The following SUPT3H variants were observed in gnomAD, a reference collection of about 807,000 sequenced individuals.
SUPT3H encodes SPT3 homolog, SAGA and STAGA complex component, also known as transcription initiation protein SPT3 homolog.
SUPT3H carries 44 observed loss-of-function variants against 44.3 expected under a neutral mutation model. The ratio of observed to expected loss-of-function variants is 0.99; its 90% CI spans 0.78 to 1.28. The LOEUF is 1.28. SUPT3H is among the 50% of genes most tolerant of loss of function. The pLI is 0.00. For missense variants in SUPT3H, 380 were observed against 387.1 expected, an observed-to-expected ratio of 0.98 and a Z score of 0.15; for synonymous variants, 124 against 125.6, an observed-to-expected ratio of 0.99 and a Z score of 0.09.
chr6:45,131,457 C>T (rs1279475885), intron 2 of SUPT3H, among the ~76,000 whole-genome samples: 1 of 152,060 alleles, frequency 6.6e-6, no homozygotes, highest in Non-Finnish European at 1.5e-5. Flanking sequence ...GGGTTTCTAA[C>T]ATACATATTA....
chr6:45,001,749 G>A (rs1445252315), intron 6 of SUPT3H, among the ~76,000 whole-genome samples: 1 of 152,048 alleles, frequency 6.6e-6, no homozygotes, highest in Admixed American at 6.6e-5. Context: ...GGAAAGTTAA[G>A]TCATTGAATG....
At chr6:45,322,800 A>G (rs949270698) in intron 2 of SUPT3H, 1 of 1,040,000 alleles carries the variant, frequency 9.6e-7, no homozygotes, top group Non-Finnish European at 1.5e-6. Flanking sequence ...TCTCGCCCAT[A>G]TATTTTGGCA....
At chr6:45,228,589 G>A (rs572803229) in intron 2 of SUPT3H, among the ~76,000 whole-genome samples, 8 of 152,124 alleles carry the variant, frequency 5.3e-5, no homozygotes, top group East Asian at 1.9e-4. Flanking sequence ...ACACCCGCGC[G>A]CGCGCACACA....
chr6:45,192,743 T>G (rs1205842131), intron 2 of SUPT3H, among the ~76,000 whole-genome samples: 1 of 152,144 alleles, frequency 6.6e-6, no homozygotes, highest in Non-Finnish European at 1.5e-5. Flanking sequence ...GAGAACTTAA[T>G]AACTCATTGA....
At chr6:45,014,777 AG>A (rs1479565868) in intron 5 of SUPT3H, 23 bp downstream of exon 5, 1 of 1,506,658 alleles carries the variant, frequency 6.6e-7, no homozygotes. Context: ...CTCATGTTTT[AG>A]TTTTGTGTTT....
chr6:44,823,136 A>G (rs112642864), downstream of SUPT3H, among the ~76,000 whole-genome samples: 3,154 of 151,816 alleles, frequency 0.021, 69 homozygotes, highest in South Asian at 0.11. Flanking sequence ...TTTTCTACCA[A>G]CCAAACCACA....
At chr6:44,931,737 A>G (rs1770628417) in intron 10 of SUPT3H, among the ~76,000 whole-genome samples, 1 of 152,158 alleles carries the variant, frequency 6.6e-6, no homozygotes, top group Admixed American at 6.5e-5. Flanking sequence ...TAAAAAAAAT[A>G]AAGGATGGAA....
chr6:44,877,675 T>G (rs1461347193), intron 10 of SUPT3H, among the ~76,000 whole-genome samples: 1 of 152,204 alleles, frequency 6.6e-6, no homozygotes, highest in Non-Finnish European at 1.5e-5. Flanking sequence ...TATCTATACA[T>G]TTTTAAACAG....
chr6:45,288,169 C>A (rs1377296157), intron 2 of SUPT3H, among the ~76,000 whole-genome samples: 3 of 152,098 alleles, frequency 2.0e-5, no homozygotes, highest in South Asian at 4.1e-4. Context: ...CCACCTTCTG[C>A]TACTCACCTT....
chr6:45,162,387 G>C (rs927721127), intron 2 of SUPT3H, among the ~76,000 whole-genome samples: 1 of 151,976 alleles, frequency 6.6e-6, no homozygotes, highest in African/African-American at 2.4e-5. Context: ...AGCCAGCTGG[G>C]GTGGTGTGCA....
In SUPT3H at chr6:45,309,810, G is replaced by C. The variant is rs114283301; in HGVS notation, c.101+55391C>G. Among the ~76,000 whole-genome samples, 800 of 152,214 alleles carry C rather than the reference G, an allele frequency of 5.3e-3. 5 individuals carry two copies. The highest frequency in any genetic ancestry group is 0.018 in the African/African-American group (746 of 41,546). ...AAGGCTAACAGCAGTTTTCTCGGTA[G>C]ACACCTTACAGACCAGGAGAGAATG... On this transcript the variant is annotated intron_variant, in intron 2 of 10. Coordinates refer to ENST00000371459, the MANE Select transcript of SUPT3H (RefSeq NM_003599.4).
At chr6:45,151,405 A>G (rs1259781068) in intron 2 of SUPT3H, among the ~76,000 whole-genome samples, 1 of 152,206 alleles carries the variant, frequency 6.6e-6, no homozygotes, top group Non-Finnish European at 1.5e-5. Context: ...ACCACCATAT[A>G]TAGCACTCAT....
intron 1 of SUPT3H, among the ~76,000 whole-genome samples, chr6:45,369,361 T>C (rs1795664762): frequency 6.6e-6 from 1 of 152,186 alleles, no homozygotes; most frequent in Non-Finnish European, 1.5e-5. Context: ...TTCCCAGATA[T>C]GTAAACAAAA....
chr6:44,846,309 T>A (rs1771861186), intron 10 of SUPT3H, among the ~76,000 whole-genome samples: 1 of 152,370 alleles, frequency 6.6e-6, no homozygotes, highest in South Asian at 2.1e-4. Flanking sequence ...TAGTTAAGGA[T>A]ACCAACAGTT....
At chr6:45,041,114 G>A (rs750936157) in intron 3 of SUPT3H, among the ~76,000 whole-genome samples, 4 of 152,204 alleles carry the variant, frequency 2.6e-5, no homozygotes, top group Admixed American at 6.5e-5. Context: ...GGGTGCCATC[G>A]TGATAAAAAC....
At chr6:45,323,329 A>T (rs2150044067) in intron 2 of SUPT3H, among the ~76,000 whole-genome samples, 1 of 152,192 alleles carries the variant, frequency 6.6e-6, no homozygotes, top group East Asian at 1.9e-4. Flanking sequence ...AGCACAGTGG[A>T]TTAAGATTTA....
At chr6:45,271,946 T>C (rs1776258425) in intron 2 of SUPT3H, among the ~76,000 whole-genome samples, 2 of 152,222 alleles carry the variant, frequency 1.3e-5, no homozygotes, top group South Asian at 4.1e-4. Flanking sequence ...CATTAAGATT[T>C]GATGGCCCCA....
At chr6:44,820,525 A>G (rs1300401696) in intron 11 of SUPT3H, among the ~76,000 whole-genome samples, 4 of 152,194 alleles carry the variant, frequency 2.6e-5, no homozygotes, top group African/African-American at 7.2e-5. Flanking sequence ...GTATAATAAC[A>G]TGGGTATAGT....
At chr6:45,191,047 C>A (rs1815045740) in intron 2 of SUPT3H, among the ~76,000 whole-genome samples, 4 of 152,006 alleles carry the variant, frequency 2.6e-5, no homozygotes, top group African/African-American at 7.2e-5. Context: ...TATGATCCAG[C>A]AATCAAATAC....
Sources: allele counts gnomAD v4.1 joint callset (sites outside exome capture counted in the v4.1 genomes callset), GRCh38; gene constraint gnomAD v4.1.1; transcripts MANE v1.5; gene names NCBI Gene and HGNC (gene_info 2026-07-23, HGNC 2026-07-21).